Variants in PDS5B observed in about 807,000 individuals in gnomAD.
PDS5B encodes the protein PDS5 cohesin associated factor B.
A neutral mutation model predicts 184.1 loss-of-function variants in PDS5B; 51 were observed. The observed-to-expected ratio is 0.28, with a 90% CI of 0.22 to 0.35. The LOEUF (loss-of-function observed/expected upper bound fraction) is 0.35. Ranked by LOEUF, PDS5B falls within the 10% of genes least tolerant of loss-of-function variation. The probability of loss-of-function intolerance (pLI) is 1.00; values close to 1 mark genes in which losing one functional copy is unlikely to be tolerated. For missense variants in PDS5B, 1,180 were observed against 1,723.3 expected, an observed-to-expected ratio of 0.68 and a Z score of 5.58; for synonymous variants, 566 against 569.2, an observed-to-expected ratio of 0.99 and a Z score of 0.08.
rs2141054544 is a variant in PDS5B, at chr13:32,776,397, A to G, written c.*1345A>G. The G allele has an allele frequency of 6.6e-6, 1 of 152,506 alleles. No individual in the cohort carries two copies. The highest frequency in any genetic ancestry group is 1.9e-4 in the East Asian group (1 of 5,186). The allele number at this position is 152,506 out of a possible 1,614,324, so 9.4% of individuals were successfully genotyped here. A position where few individuals can be genotyped will look rare whatever the true frequency, so the allele number is the denominator to read the frequency against. ...TTTGTCCAGATTGGGAGAAGTGGAA[A>G]TTTATTTGGATTTAGAGCAGGTCTT... On this transcript the variant is annotated 3_prime_UTR_variant, in exon 35 of 35. Coordinates refer to ENST00000315596, the MANE Select transcript of PDS5B (RefSeq NM_015032.4).
intron 31 of PDS5B, among the ~76,000 whole-genome samples, chr13:32,768,567 C>T (rs9526632): frequency 0.71 from 106,059 of 150,266 alleles, 37,899 homozygotes; most frequent in African/African-American, 0.83. Context: ...CCGAGGCAGG[C>T]GGATCACCTG....
At chr13:32,694,396 T>TA in intron 14 of PDS5B, 92 bp downstream of exon 14, 1 of 825,572 alleles carries the variant, frequency 1.2e-6, no homozygotes, top group Admixed American at 2.4e-5. Context: ...CAATTCTTTC[T>TA]GTTTGCAAAA....
At chr13:32,646,815 A>T (rs1004855322) in intron 1 of PDS5B, among the ~76,000 whole-genome samples, 3 of 152,080 alleles carry the variant, frequency 2.0e-5, no homozygotes, top group Non-Finnish European at 4.4e-5. Flanking sequence ...CTTAGTTTTC[A>T]TTTGGCTAAT....
At chr13:32,643,906 T>C (rs1417251321) in intron 1 of PDS5B, among the ~76,000 whole-genome samples, 2 of 152,200 alleles carry the variant, frequency 1.3e-5, no homozygotes, top group Non-Finnish European at 2.9e-5. Flanking sequence ...ATGTTAATCT[T>C]GTATCCTGGA....
At chr13:32,648,673 G>A in intron 1 of PDS5B, 81 bp from the exon 2 acceptor site, 1 of 635,942 alleles carries the variant, frequency 1.6e-6, no homozygotes, top group Non-Finnish European at 2.8e-6. Flanking sequence ...ATTTTGGTTG[G>A]TGGGGAAGGT....
At chr13:32,705,526 G>T (rs1325285994) in intron 17 of PDS5B, among the ~76,000 whole-genome samples, 1 of 152,050 alleles carries the variant, frequency 6.6e-6, no homozygotes, top group Non-Finnish European at 1.5e-5. Flanking sequence ...TTTCGTAGAA[G>T]CATATTTACT....
chr13:32,770,955 G>A, intron 33 of PDS5B, 194 bp downstream of exon 33: 1 of 575,450 alleles, frequency 1.7e-6, no homozygotes, highest in Non-Finnish European at 3.1e-6. Context: ...TACAGGTGCA[G>A]GCAAATCTTC....
chr13:32,625,983 C>T (rs779267243), intron 1 of PDS5B, among the ~76,000 whole-genome samples: 27 of 152,152 alleles, frequency 1.8e-4, no homozygotes, highest in Middle Eastern at 3.4e-3. Flanking sequence ...GGATCACAGG[C>T]ACGCACTACC....
intron 3 of PDS5B, among the ~76,000 whole-genome samples, chr13:32,654,634 C>T (rs537292379): frequency 7.9e-5 from 12 of 151,988 alleles, no homozygotes; most frequent in African/African-American, 2.9e-4. Context: ...TTTTGTCACC[C>T]AGGTAAAAGC....
chr13:32,700,320 T>C (rs1951831679), intron 16 of PDS5B, among the ~76,000 whole-genome samples: 1 of 152,146 alleles, frequency 6.6e-6, no homozygotes, highest in Non-Finnish European at 1.5e-5. Flanking sequence ...AAGCCTTTAA[T>C]ATGCTTTGGC....
In PDS5B at chr13:32,770,175, G is replaced by C. The variant is rs1954731694; in HGVS notation, c.3679G>C (p.Glu1227Gln). The C allele has an allele frequency of 1.9e-6, 3 of 1,613,914 alleles. No homozygotes were observed. The South Asian group carries it at 3.3e-5, about 18-fold the overall frequency. Residue 1227 changes from glutamate to glutamine, a missense_variant, in exon 32 of 35, where the codon GAG becomes CAG. By Grantham distance (29) the Glu-to-Gln change is conservative. Transcript: ENST00000315596. The part of the protein sequence containing the change: ...RKKTPVTEQE[E>Q]KLGMDDLTKL... ...AAAAACGCCCGTCACAGAACAGGAGGAGAAATTAGGTATGGATGACTTGAC... is the reference window on the plus strand; with the variant it reads ...AAAAACGCCCGTCACAGAACAGGAGCAGAAATTAGGTATGGATGACTTGAC...
intron 8 of PDS5B, among the ~76,000 whole-genome samples, chr13:32,675,005 A>G (rs1193222658): frequency 1.3e-5 from 2 of 151,462 alleles, no homozygotes; most frequent in Non-Finnish European, 2.9e-5. Flanking sequence ...CTTGAGATAT[A>G]ATTACTTAGA....
intron 10 of PDS5B, among the ~76,000 whole-genome samples, chr13:32,680,033 GT>G (rs1212107524): frequency 1.3e-5 from 2 of 151,982 alleles, no homozygotes; most frequent in East Asian, 1.9e-4. Context: ...ATGGTAGGTA[GT>G]TTTTTGGGGA....
chr13:32,743,533 A>G (rs1953637521), intron 23 of PDS5B, among the ~76,000 whole-genome samples: 1 of 152,138 alleles, frequency 6.6e-6, no homozygotes, highest in Non-Finnish European at 1.5e-5. Flanking sequence ...CTCCTTGGTA[A>G]TACAAAATAG....
chr13:32,699,655 A>G, intron 15 of PDS5B, 75 bp from the exon 16 acceptor site: 2 of 788,792 alleles, frequency 2.5e-6, no homozygotes, highest in Non-Finnish European at 3.6e-6. Context: ...AATAAAAGGA[A>G]TGAAAAATAT....
At position 32,775,281 on chromosome 13, in the gene PDS5B, A is replaced by G. The variant is rs1954922320; in HGVS notation, c.*229A>G. 1.9e-6 allele frequency: 1 copy of G among 533,958 alleles called. No homozygotes were observed. Among genetic ancestry groups the G allele is most frequent in the Admixed American group, 3.4e-5 (1 of 29,052 alleles). 33.1% of individuals were successfully genotyped at this position (533,958 alleles called of 1,614,324 possible). On this transcript the variant is annotated 3_prime_UTR_variant, in exon 35 of 35. Coordinates refer to ENST00000315596, the MANE Select transcript of PDS5B (RefSeq NM_015032.4). ...TGTGAAAGTGTAATGTGCGATGGCT[A>G]TGTAGACATAAAGAAGAAACTTGTA...
intron 19 of PDS5B, among the ~76,000 whole-genome samples, chr13:32,710,470 C>CA (rs534485633): frequency 1.1e-3 from 161 of 151,798 alleles, no homozygotes; most frequent in Non-Finnish European, 1.4e-3. Flanking sequence ...AGGGCTGAAA[C>CA]AAAAAAAAGT....
chr13:32,683,115 C>T (rs1951291767), intron 10 of PDS5B, among the ~76,000 whole-genome samples: 1 of 151,904 alleles, frequency 6.6e-6, no homozygotes, highest in Admixed American at 6.6e-5. Context: ...TGGGTTCAAG[C>T]GATTCTCCTG....
chr13:32,732,178 A>C lies in PDS5B; in HGVS notation c.2201A>C (p.His734Pro), dbSNP rs777760743. The C allele has an allele frequency of 3.7e-6, 6 of 1,610,108 alleles. No individual in the cohort carries two copies. The highest frequency in any genetic ancestry group is 5.1e-6 in the Non-Finnish European group (6 of 1,177,052). ...GCCAAATATGCCATTCATTGTATCCATGCGATATTTTCTAGTAAAGAGACC... is the reference window on the plus strand; with the variant it reads ...GCCAAATATGCCATTCATTGTATCCCTGCGATATTTTCTAGTAAAGAGACC... Reference protein sequence around the residue: ...RQAKYAIHCIHAIFSSKETQF... With the variant: ...RQAKYAIHCIPAIFSSKETQF... Residue 734 changes from histidine (H) to proline (P), a missense_variant, in exon 20 of 35, where the codon CAT (histidine) becomes CCT (proline). Physicochemically the swap from His to Pro is moderately conservative, Grantham distance 77. Coordinates refer to ENST00000315596, the MANE Select transcript of PDS5B (RefSeq NM_015032.4).
Sources: gnomAD v4.1 joint callset for allele counts (sites outside exome capture counted in the v4.1 genomes callset) on GRCh38, gnomAD v4.1.1 for gene constraint, MANE v1.5 for transcripts, NCBI Gene and HGNC (gene_info 2026-07-23, HGNC 2026-07-21) for gene names.